The following EFCAB5 variants were observed in gnomAD, a reference collection of about 807,000 sequenced individuals.
EFCAB5 encodes the protein EF-hand calcium binding domain 5.
A neutral mutation model predicts 167.9 loss-of-function variants in EFCAB5; 131 were observed. That is an observed-to-expected ratio of 0.78 (90% confidence interval 0.68 to 0.90). The LOEUF is 0.90. EFCAB5 is among the 40% of genes least tolerant of loss of function. The probability of loss-of-function intolerance (pLI) is 0.00; values close to 1 mark genes in which losing one functional copy is unlikely to be tolerated. For missense variants in EFCAB5, 1,663 were observed against 1,745.2 expected (o/e 0.95, Z 0.84); for synonymous variants, 574 against 602.8 (o/e 0.95, Z 0.70).
intron 8 of EFCAB5, among the ~76,000 whole-genome samples, chr17:30,048,477 G>A (rs1016366824): frequency 1.3e-5 from 2 of 151,412 alleles, no homozygotes; most frequent in Non-Finnish European, 2.9e-5. Flanking sequence ...CTATGTAGAA[G>A]GTGGAGGATA....
chr17:30,100,587 T>C (rs1689396065), intron 22 of EFCAB5, among the ~76,000 whole-genome samples: 1 of 151,938 alleles, frequency 6.6e-6, no homozygotes, highest in African/African-American at 2.4e-5. Flanking sequence ...GGCTAACATG[T>C]GAAACCCCAT....
intron 7 of EFCAB5, among the ~76,000 whole-genome samples, chr17:30,002,341 G>A (rs1385614442): frequency 6.6e-6 from 1 of 152,058 alleles, no homozygotes; most frequent in Non-Finnish European, 1.5e-5. Flanking sequence ...TAATGTGTGT[G>A]TATAGTATTA....
rs1026473601 is a variant in EFCAB5, at chr17:29,947,887, G to A, written c.190+4238G>A. On this transcript the variant is annotated intron_variant, in intron 3 of 22. Transcript: ENST00000394835. ...GTCGTCCAGGCTGGAGTGCAGTGGC[G>A]CAATCTCAGCTCACTGCAACCTCCG... 5.3e-5 allele frequency among the ~76,000 whole-genome samples: 8 copies of A among 152,142 alleles called. No homozygotes were observed. The South Asian group carries it at 8.3e-4, about 16-fold the overall frequency.
chr17:30,020,738 A>G (rs2069158706), intron 7 of EFCAB5, among the ~76,000 whole-genome samples: 1 of 152,162 alleles, frequency 6.6e-6, no homozygotes. Flanking sequence ...ACATCCCAAG[A>G]TAATATGAAT....
At chr17:29,995,874 C>T (rs1466095260) in intron 5 of EFCAB5, among the ~76,000 whole-genome samples, 2 of 152,124 alleles carry the variant, frequency 1.3e-5, no homozygotes, top group Non-Finnish European at 2.9e-5. Context: ...AGCATTGTCC[C>T]CATAAACACT....
intron 14 of EFCAB5, among the ~76,000 whole-genome samples, chr17:30,071,202 A>G (rs2070728593): frequency 6.7e-6 from 1 of 149,742 alleles, no homozygotes; most frequent in African/African-American, 2.5e-5. Flanking sequence ...GTGAAGAGAC[A>G]ACTTGCAGAA....
At chr17:29,983,455 A>C (rs995299251) in intron 4 of EFCAB5, among the ~76,000 whole-genome samples, 5 of 152,240 alleles carry the variant, frequency 3.3e-5, no homozygotes, top group African/African-American at 7.2e-5. Flanking sequence ...GAGTACAGGA[A>C]CAGACTCCAC....
chr17:30,098,978 C>T (rs764191510), intron 22 of EFCAB5, among the ~76,000 whole-genome samples: 3 of 152,180 alleles, frequency 2.0e-5, no homozygotes, highest in Non-Finnish European at 2.9e-5. Context: ...TAGCTTGTAT[C>T]AGTACTTCAT....
At chr17:30,052,355 C>T (rs1203272743) in intron 9 of EFCAB5, among the ~76,000 whole-genome samples, 3 of 151,882 alleles carry the variant, frequency 2.0e-5, no homozygotes, top group Admixed American at 6.6e-5. Context: ...TTAGTAGAGA[C>T]GGGGTTTTGC....
chr17:29,963,310 TG>T (rs773928819), intron 3 of EFCAB5, among the ~76,000 whole-genome samples: 5 of 152,250 alleles, frequency 3.3e-5, no homozygotes, highest in Non-Finnish European at 5.9e-5. Flanking sequence ...ATTGATTATG[TG>T]GCTTTTTTCC....
At chr17:29,943,751 A>C in intron 3 of EFCAB5, 102 bp downstream of exon 3, 1 of 973,822 alleles carries the variant, frequency 1.0e-6, no homozygotes, top group Non-Finnish European at 1.5e-6. Flanking sequence ...AGGCGGGTGG[A>C]TCATCAGAGG....
chr17:30,045,171 T>C (rs1298408922), intron 8 of EFCAB5, among the ~76,000 whole-genome samples: 2 of 152,020 alleles, frequency 1.3e-5, no homozygotes, highest in South Asian at 2.1e-4. Context: ...AGAAGGGACA[T>C]AAGTGGCCGG....
chr17:30,065,404 C>A (rs1268659495), intron 14 of EFCAB5, among the ~76,000 whole-genome samples: 2 of 152,162 alleles, frequency 1.3e-5, no homozygotes, highest in Non-Finnish European at 2.9e-5. Flanking sequence ...TGGCTCATGC[C>A]TGTAATCCCA....
At chr17:29,996,170 A>G in intron 5 of EFCAB5, 142 bp from the exon 6 acceptor site, 1 of 618,834 alleles carries the variant, frequency 1.6e-6, no homozygotes, top group Non-Finnish European at 2.8e-6. Flanking sequence ...GTGACTTATT[A>G]CTATTTCTGT....
At chr17:30,078,177 T>C (rs1263537721) in intron 14 of EFCAB5, 38 bp from the exon 15 acceptor site, 2 of 1,564,076 alleles carry the variant, frequency 1.3e-6, no homozygotes, top group East Asian at 2.3e-5. Context: ...ATGAGTGAAC[T>C]TTTGGTTAGT....
At chr17:30,040,030 T>C (rs987193653) in intron 8 of EFCAB5, among the ~76,000 whole-genome samples, 2 of 152,200 alleles carry the variant, frequency 1.3e-5, no homozygotes, top group Non-Finnish European at 2.9e-5. Context: ...AATATTCCAT[T>C]TGCACTTTAA....
chr17:30,069,060 AGT>A, intron 14 of EFCAB5: 1 of 1,413,264 alleles, frequency 7.1e-7, no homozygotes, highest in South Asian at 1.1e-5. Flanking sequence ...ACTTAAAAAA[AGT>A]GTGTAAACTT....
Position 29,969,073 on chromosome 17 carries a change from AAG to A in EFCAB5, c.476_477del (p.Glu159ValfsTer3). ...AAACTCCCTAGGGATAATTTGGCCAAAGAGTGGTTTAATACTGACAGCATGAC... is the reference window on the plus strand; with the variant it reads ...AAACTCCCTAGGGATAATTTGGCCAAAGTGGTTTAATACTGACAGCATGAC... On this transcript the variant is annotated frameshift_variant, in exon 4 of 23. Coordinates refer to ENST00000394835, the MANE Select transcript of EFCAB5 (RefSeq NM_198529.4). LOFTEE classifies it high-confidence loss of function. The A allele has an allele frequency of 6.2e-7, 1 of 1,612,224 alleles. No homozygotes were observed. The highest frequency in any genetic ancestry group is 8.5e-7 in the Non-Finnish European group (1 of 1,179,278).
chr17:30,086,926 C>T (rs2071100400), intron 18 of EFCAB5, 137 bp from the exon 19 acceptor site: 2 of 645,166 alleles, frequency 3.1e-6, no homozygotes, highest in Non-Finnish European at 5.1e-6. Context: ...TCTAATGGTA[C>T]TAAGTAAAAT....
Sources: gnomAD v4.1 joint callset for allele counts (sites outside exome capture counted in the v4.1 genomes callset) on GRCh38, gnomAD v4.1.1 for gene constraint, MANE v1.5 for transcripts, NCBI Gene and HGNC (gene_info 2026-07-23, HGNC 2026-07-21) for gene names.